Variants in CAPRIN1 observed in about 807,000 individuals in gnomAD.
CAPRIN1 encodes caprin-1.
Under a neutral mutation model 100.9 loss-of-function variants are expected in CAPRIN1, and 29 were observed. The observed-to-expected ratio is 0.29, with a 90% CI of 0.21 to 0.39. CAPRIN1 has a LOEUF of 0.39. Among genes scored for constraint, CAPRIN1 ranks in the 10% least tolerant of loss-of-function variants. The probability of loss-of-function intolerance (pLI) is 1.00; values close to 1 mark genes in which losing one functional copy is unlikely to be tolerated. For missense variants in CAPRIN1, 795 were observed against 876.7 expected (o/e 0.91, Z 1.18); for synonymous variants, 338 against 307.5 (o/e 1.10, Z -1.04).
At chr11:34,062,032 C>T (rs1850590969) in intron 2 of CAPRIN1, among the ~76,000 whole-genome samples, 7 of 149,894 alleles carry the variant, frequency 4.7e-5, no homozygotes. Context: ...TTTTCTGGAA[C>T]AGCATAGACT....
intron 2 of CAPRIN1, among the ~76,000 whole-genome samples, chr11:34,062,160 CT>C (rs1328842217): frequency 6.6e-6 from 1 of 152,066 alleles, no homozygotes; most frequent in East Asian, 1.9e-4. Flanking sequence ...TGCTTACTAT[CT>C]TTTTTGTCTT....
chr11:34,095,862 T>C (rs1469042573), intron 15 of CAPRIN1: 1 of 152,234 alleles, frequency 6.6e-6, no homozygotes, highest in African/African-American at 2.4e-5. Flanking sequence ...GTGAGTACCA[T>C]GTGATTGTTT....
chr11:34,072,193 A>G (rs1850815293), intron 4 of CAPRIN1, among the ~76,000 whole-genome samples: 4 of 151,996 alleles, frequency 2.6e-5, no homozygotes, highest in Admixed American at 1.3e-4. Context: ...GGGCGGTGGC[A>G]TGTGCTTGTA....
At chr11:34,097,419 C>T in intron 17 of CAPRIN1, 123 bp downstream of exon 17, 1 of 818,510 alleles carries the variant, frequency 1.2e-6, no homozygotes, top group Non-Finnish European at 2.0e-6. Context: ...CCAAGACACT[C>T]TGTTGAAACA....
intron 16 of CAPRIN1, 41 bp downstream of exon 16, chr11:34,096,714 G>A: frequency 2.7e-6 from 4 of 1,457,128 alleles, no homozygotes; most frequent in Non-Finnish European, 2.8e-6. Flanking sequence ...CCTTTTACTA[G>A]TTCAAATTAT....
intron 2 of CAPRIN1, among the ~76,000 whole-genome samples, chr11:34,059,292 G>A (rs567750342): frequency 2.6e-4 from 38 of 145,016 alleles, no homozygotes; most frequent in Middle Eastern, 3.5e-3. Flanking sequence ...TTTTTGAGAC[G>A]GAGTCTTGCT....
intron 9 of CAPRIN1, 56 bp downstream of exon 9, chr11:34,083,097 A>G (rs1454844830): frequency 3.5e-6 from 4 of 1,154,728 alleles, no homozygotes; most frequent in Admixed American, 3.4e-5. Context: ...AGTAATTTTT[A>G]TCTCTACTGA....
chr11:34,096,087 T>C (rs1018295696), intron 15 of CAPRIN1: 3 of 153,802 alleles, frequency 2.0e-5, no homozygotes, highest in East Asian at 3.8e-4. Flanking sequence ...AGGAGCTTTA[T>C]AATGAAAAGA....
intron 16 of CAPRIN1, 72 bp downstream of exon 16, chr11:34,096,745 TCA>T (rs1851374855): frequency 7.5e-6 from 9 of 1,199,076 alleles, no homozygotes; most frequent in Admixed American, 7.3e-5. Flanking sequence ...GTAAAATATA[TCA>T]CACAGTTTTT....
At chr11:34,097,371 G>T in intron 17 of CAPRIN1, 75 bp downstream of exon 17, 1 of 1,203,588 alleles carries the variant, frequency 8.3e-7, no homozygotes, top group South Asian at 1.2e-5. Flanking sequence ...GTTGCTTAAT[G>T]AACCTAAGTA....
intron 4 of CAPRIN1, among the ~76,000 whole-genome samples, chr11:34,073,321 A>G (rs910965102): frequency 3.9e-5 from 6 of 152,196 alleles, no homozygotes; most frequent in Non-Finnish European, 1.5e-5. Context: ...TAGGATAGAA[A>G]GGGGGCTGAT....
intron 14 of CAPRIN1, among the ~76,000 whole-genome samples, chr11:34,091,119 A>C (rs892341135): frequency 2.0e-5 from 3 of 152,216 alleles, no homozygotes; most frequent in East Asian, 3.8e-4. Flanking sequence ...AATAATAATA[A>C]TACTATAATC....
intron 11 of CAPRIN1, among the ~76,000 whole-genome samples, chr11:34,088,066 TGGCTC>T (rs1357397681): frequency 3.3e-5 from 5 of 152,100 alleles, no homozygotes; most frequent in South Asian, 2.1e-4. Flanking sequence ...GGCGCATTCT[TGGCTC>T]GGCACGCTGC....
At chr11:34,059,479 A>G (rs1850528362) in intron 2 of CAPRIN1, among the ~76,000 whole-genome samples, 1 of 152,162 alleles carries the variant, frequency 6.6e-6, no homozygotes, top group South Asian at 2.1e-4. Context: ...CATGTTGGCC[A>G]TGCTGGTCTT....
chr11:34,078,291 C>T (rs1850943618), intron 6 of CAPRIN1, among the ~76,000 whole-genome samples: 1 of 152,260 alleles, frequency 6.6e-6, no homozygotes, highest in South Asian at 2.1e-4. Flanking sequence ...GCTTTTGATA[C>T]AATATGGTCC....
intron 18 of CAPRIN1, chr11:34,098,133 A>G: frequency 2.0e-6 from 2 of 1,003,926 alleles, no homozygotes; most frequent in South Asian, 8.3e-5. Context: ...TAAATTTATT[A>G]TTCCTCTTTC....
intron 4 of CAPRIN1, among the ~76,000 whole-genome samples, chr11:34,072,287 G>T (rs1221907830): frequency 6.7e-6 from 1 of 149,636 alleles, no homozygotes; most frequent in Non-Finnish European, 1.5e-5. Flanking sequence ...CCGCACTTCA[G>T]CCTGGGCAAC....
chr11:34,090,754 T>G, intron 14 of CAPRIN1, 76 bp downstream of exon 14: 2 of 1,343,038 alleles, frequency 1.5e-6, no homozygotes, highest in Non-Finnish European at 2.1e-6. Context: ...TTTTTAAAGG[T>G]CTTCATTTAA....
At chr11:34,073,827 C>G (rs980624648) in intron 4 of CAPRIN1, among the ~76,000 whole-genome samples, 1 of 152,118 alleles carries the variant, frequency 6.6e-6, no homozygotes, top group African/African-American at 2.4e-5. Context: ...GTGTCTTAGT[C>G]AACTTTGTGT....
Sources: allele counts gnomAD v4.1 joint callset (sites outside exome capture counted in the v4.1 genomes callset), GRCh38; gene constraint gnomAD v4.1.1; transcripts MANE v1.5; gene names NCBI Gene and HGNC (gene_info 2026-07-23, HGNC 2026-07-21).